Variants in RBFOX1 observed in about 807,000 individuals in gnomAD.
RBFOX1 encodes RNA binding fox-1 homolog 1, also known as RNA binding protein fox-1 homolog 1.
In RBFOX1, 8 loss-of-function variants were observed where a neutral mutation model predicts 57.7. That is an observed-to-expected ratio of 0.14 (90% CI 0.08 to 0.25). The LOEUF (loss-of-function observed/expected upper bound fraction) is 0.25. Among genes scored for constraint, RBFOX1 ranks in the 10% least tolerant of loss-of-function variants. The pLI is 1.00. For missense variants in RBFOX1, 611 were observed against 548.5 expected (o/e 1.11, Z -1.14); for synonymous variants, 326 against 222.4 (o/e 1.47, Z -4.15).
chr16:7,033,812 A>G (rs1307284553), intron 3 of RBFOX1, among the ~76,000 whole-genome samples: 1 of 152,008 alleles, frequency 6.6e-6, no homozygotes, highest in African/African-American at 2.4e-5. Flanking sequence ...TACTAAAAAT[A>G]AAACAAATTA....
chr16:6,887,176 C>A (rs1026768809), intron 3 of RBFOX1, among the ~76,000 whole-genome samples: 1 of 152,146 alleles, frequency 6.6e-6, no homozygotes, highest in Non-Finnish European at 1.5e-5. Flanking sequence ...TGTTGGTATA[C>A]TCTTTAGCAC....
At position 5,342,574 on chromosome 16, in the gene RBFOX1, G is replaced by A. The variant is rs142665724; in HGVS notation, c.219+102469G>A. On this transcript the variant is annotated intron_variant, in intron 1 of 2. Transcript: ENST00000585867. ...GCAATTCATGTAGAACTTTTAGCTC[G>A]GGCCATGAAACAGGGAAAGGACTCA... 1.2e-4 allele frequency among the ~76,000 whole-genome samples: 19 copies of A among 152,222 alleles called. No individual in the cohort carries two copies. The East Asian group carries it at 3.1e-3, about 25-fold the overall frequency.
intron 3 of RBFOX1, among the ~76,000 whole-genome samples, chr16:6,775,255 G>A (rs566633898): frequency 8.7e-5 from 13 of 150,220 alleles, no homozygotes; most frequent in Non-Finnish European, 1.0e-4. Flanking sequence ...GCGTGAAACC[G>A]GGAGGCCGAG....
At chr16:5,636,960 G>A (rs561299400) in intron 3 of RBFOX1, among the ~76,000 whole-genome samples, 75 of 152,310 alleles carry the variant, frequency 4.9e-4, no homozygotes, top group African/African-American at 1.3e-3. Context: ...GCCAGCGTGC[G>A]CTGCTAATCC....
At chr16:5,851,402 C>A (rs1323792478) in intron 3 of RBFOX1, among the ~76,000 whole-genome samples, 1 of 152,164 alleles carries the variant, frequency 6.6e-6, no homozygotes, top group Non-Finnish European at 1.5e-5. Flanking sequence ...TAGACCGCCT[C>A]TCTCTGCATC....
chr16:6,774,419 G>T (rs554904200), intron 3 of RBFOX1, among the ~76,000 whole-genome samples: 21 of 152,198 alleles, frequency 1.4e-4, no homozygotes, highest in African/African-American at 4.3e-4. Flanking sequence ...CTAAAACTGG[G>T]ACTCTAAATA....
intron 4 of RBFOX1, among the ~76,000 whole-genome samples, chr16:7,489,530 T>TA (rs2066367784): frequency 1.3e-5 from 2 of 151,740 alleles, no homozygotes; most frequent in South Asian, 4.2e-4. Context: ...TTTTTTGAGA[T>TA]AGAGTCTTGC....
intron 3 of RBFOX1, among the ~76,000 whole-genome samples, chr16:7,031,624 G>A (rs370165621): frequency 5.4e-4 from 82 of 151,880 alleles, no homozygotes; most frequent in African/African-American, 1.9e-3. Flanking sequence ...GAAAAGAAAA[G>A]AAAGGCAATG....
At chr16:6,927,033 C>G (rs2075717582) in intron 3 of RBFOX1, among the ~76,000 whole-genome samples, 1 of 152,052 alleles carries the variant, frequency 6.6e-6, no homozygotes, top group Non-Finnish European at 1.5e-5. Flanking sequence ...ACTATTAACC[C>G]TTCGTTACCT....
At chr16:7,112,231 T>A (rs1303584643) in intron 4 of RBFOX1, among the ~76,000 whole-genome samples, 1 of 152,112 alleles carries the variant, frequency 6.6e-6, no homozygotes. Flanking sequence ...TTTTTTGAGA[T>A]GGGGTCTGTC....
At chr16:6,018,814 A>G (rs2095017543), upstream of RBFOX1, among the ~76,000 whole-genome samples, 1 of 151,948 alleles carries the variant, frequency 6.6e-6, no homozygotes, top group Non-Finnish European at 1.5e-5. Flanking sequence ...CCACCTGGGG[A>G]CTACCAGGAC....
At chr16:6,251,183 AT>A (rs1264689499) in intron 1 of RBFOX1, among the ~76,000 whole-genome samples, 3 of 152,186 alleles carry the variant, frequency 2.0e-5, no homozygotes, top group Non-Finnish European at 4.4e-5. Flanking sequence ...CTTATTTGGC[AT>A]TTACTATGTG....
At chr16:5,933,590 C>G (rs1309506281) in intron 4 of RBFOX1, among the ~76,000 whole-genome samples, 1 of 152,084 alleles carries the variant, frequency 6.6e-6, no homozygotes, top group Non-Finnish European at 1.5e-5. Context: ...TTAGGGAGGC[C>G]AAGCTATTGT....
At chr16:7,071,402 C>A (rs79213738) in intron 4 of RBFOX1, among the ~76,000 whole-genome samples, 1 of 151,896 alleles carries the variant, frequency 6.6e-6, no homozygotes, top group African/African-American at 2.4e-5. Context: ...GTATTATTAC[C>A]CCTCCTAGCC....
At chr16:7,170,613 C>G (rs2080498555) in intron 4 of RBFOX1, among the ~76,000 whole-genome samples, 1 of 152,172 alleles carries the variant, frequency 6.6e-6, no homozygotes, top group South Asian at 2.1e-4. Context: ...CTGTTTAATT[C>G]TCACATCTTA....
At chr16:7,026,987 A>T (rs1597376169) in intron 3 of RBFOX1, among the ~76,000 whole-genome samples, 1 of 151,918 alleles carries the variant, frequency 6.6e-6, no homozygotes. Flanking sequence ...ATACATCAGC[A>T]CCCCTAAGGT....
intron 3 of RBFOX1, among the ~76,000 whole-genome samples, chr16:6,843,920 C>T (rs1355859808): frequency 1.3e-5 from 2 of 152,100 alleles, no homozygotes; most frequent in Non-Finnish European, 2.9e-5. Flanking sequence ...GGGAAATTAC[C>T]AGAATTCTCC....
intron 3 of RBFOX1, among the ~76,000 whole-genome samples, chr16:7,002,072 G>T (rs561249090): frequency 6.6e-6 from 1 of 152,022 alleles, no homozygotes; most frequent in African/African-American, 2.4e-5. Flanking sequence ...GATTCCTGGG[G>T]GACTTTGCTC....
At chr16:5,277,565 C>G (rs945700325) in intron 1 of RBFOX1, among the ~76,000 whole-genome samples, 2 of 152,216 alleles carry the variant, frequency 1.3e-5, no homozygotes, top group East Asian at 3.9e-4. Context: ...TTTTCAAACC[C>G]CTCCTCTTCC....
Sources: gnomAD v4.1 joint callset for allele counts (sites outside exome capture counted in the v4.1 genomes callset) on GRCh38, gnomAD v4.1.1 for gene constraint, MANE v1.5 for transcripts, NCBI Gene and HGNC (gene_info 2026-07-23, HGNC 2026-07-21) for gene names.